The following LRIT1 variants were observed in gnomAD, a reference collection of about 807,000 sequenced individuals.
The protein encoded by LRIT1 is leucine-rich repeat, immunoglobulin-like domain and transmembrane domain-containing protein 1.
LRIT1 carries 23 observed loss-of-function variants against 24.0 expected under a neutral mutation model. That is an observed-to-expected ratio of 0.96 (90% CI 0.69 to 1.36). The LOEUF is 1.36. LRIT1 is among the 40% of genes most tolerant of loss of function. The pLI is 0.00. For synonymous variants in LRIT1, 361 were observed against 340.5 expected, an observed-to-expected ratio of 1.06 and a Z score of -0.66; for missense variants, 846 against 806.3, an observed-to-expected ratio of 1.05 and a Z score of -0.60.
rs957913511 is a variant in LRIT1, at chr10:84,237,395, C to A, written c.414G>T (p.Leu138=). The change falls in exon 2 of 4, where the codon CTG becomes CTT. Residue 138 remains leucine (L), a synonymous_variant. Coordinates refer to ENST00000372105, the MANE Select transcript of LRIT1 (RefSeq NM_015613.3). ...RDAPKLRLLD[L]QANRLSAVPA... is the part of the protein sequence containing the mutation. Reference sequence around the variant, plus strand: ...GCACAGCCGAGAGGCGGTTGGCCTGCAGGTCCAGCAGCCGCAGCTTGGGGG... The same window carrying A: ...GCACAGCCGAGAGGCGGTTGGCCTGAAGGTCCAGCAGCCGCAGCTTGGGGG... 1.3e-6 allele frequency: 2 copies of A among 1,547,544 alleles called. No individual in the cohort carries two copies. The highest frequency in any genetic ancestry group is 2.4e-5 in the East Asian group (1 of 40,914).
At chr10:84,235,358 A>G (rs1842639362) in intron 2 of LRIT1, among the ~76,000 whole-genome samples, 2 of 152,064 alleles carry the variant, frequency 1.3e-5, no homozygotes, top group Non-Finnish European at 2.9e-5. Context: ...GCCTTGTGTC[A>G]TTGGTTAAAC....
Position 84,237,229 on chromosome 10 carries a change from G to C in LRIT1, c.580C>G (p.Arg194Gly). Residue 194 changes from arginine to glycine, a missense_variant, in exon 2 of 4, where the codon CGG becomes GGG. Transcript: ENST00000372105. The part of the protein sequence containing the change: ...GIFPPGHHPR[R>G]VLGLQDNPWA... The stretch of plus-strand genomic sequence containing the variant: ...GGTTGCCGACCCTTACCTAGGACCC[G>C]CCTGGGGTGGTGGCCGGGAGGAAAG... 1 of 1,550,154 alleles carries C rather than the reference G, an allele frequency of 6.5e-7. No homozygotes were observed. Among genetic ancestry groups the C allele is most frequent in the Non-Finnish European group, 8.7e-7 (1 of 1,146,846 alleles).
chr10:84,237,526 G>C lies in LRIT1; in HGVS notation c.283C>G (p.Leu95Val). 2.5e-6 allele frequency: 4 copies of C among 1,604,680 alleles called. No individual in the cohort carries two copies. The highest frequency in any genetic ancestry group is 3.4e-6 in the Non-Finnish European group (4 of 1,179,126). Residue 95 changes from leucine (L) to valine (V), a missense_variant, in exon 2 of 4, where the codon CTC becomes GTC. Coordinates refer to ENST00000372105, the MANE Select transcript of LRIT1 (RefSeq NM_015613.3). ...AGCATGAGGGCGTTGAGCTCGCTGA[G>C]GGCGTTGTAAGGCAGCCACAGCTGC... ...LEQLWLPYNA[L>V]SELNALMLRG...
At chr10:84,234,930 T>C (rs1842635964) in intron 2 of LRIT1, among the ~76,000 whole-genome samples, 1 of 152,148 alleles carries the variant, frequency 6.6e-6, no homozygotes, top group Non-Finnish European at 1.5e-5. Flanking sequence ...TCCCCTACTG[T>C]CTTTACTCTA....
intron 1 of LRIT1, among the ~76,000 whole-genome samples, chr10:84,240,054 C>G (rs968423210): frequency 6.6e-6 from 1 of 152,256 alleles, no homozygotes; most frequent in African/African-American, 2.4e-5. Context: ...AACTCTGCTG[C>G]CTGGAACTTA....
rs759787591 is a variant in LRIT1 at position 84,232,737 on chromosome 10, G to A, written c.1062C>T (p.His354=). 3.7e-6 allele frequency: 6 copies of A among 1,613,970 alleles called. No individual in the cohort carries two copies. In the Admixed American group the frequency reaches 5.0e-5, roughly 13 times the overall value. Residue 354 remains histidine, a synonymous_variant, in exon 4 of 4, where the codon CAC becomes CAT. Coordinates refer to ENST00000372105, the MANE Select transcript of LRIT1 (RefSeq NM_015613.3). ...CCCATAGTGCTCCTGGGCTCCCACT[G>A]TGTTCTGTGGAAGTCGGTGGCTCAG... The part of the protein sequence containing the change: ...IVTEPPTSTE[H]SGSPGALWAR...
chr10:84,239,189 A>T (rs1670233853), intron 1 of LRIT1, among the ~76,000 whole-genome samples: 1 of 152,248 alleles, frequency 6.6e-6, no homozygotes, highest in South Asian at 2.1e-4. Flanking sequence ...GTGATGAGCA[A>T]TTCAGAAGAG....
chr10:84,241,383 G>A lies in LRIT1; in HGVS notation c.57C>T (p.Ala19=). 1 of 1,611,898 alleles carries A rather than the reference G, an allele frequency of 6.2e-7. No individual in the cohort carries two copies. Residue 19 remains alanine, a synonymous_variant, in exon 1 of 4, where the codon GCC becomes GCT. Coordinates refer to ENST00000372105, the MANE Select transcript of LRIT1 (RefSeq NM_015613.3). ...WLLALAWPPQ[A]RGFCPSQCSC... is the part of the protein sequence containing the mutation. Reference sequence around the variant, plus strand: ...TGCATTGAGAGGGGCAGAAGCCCCGGGCCTGGGGGGGCCACGCAAGGGCCA... The same window carrying A: ...TGCATTGAGAGGGGCAGAAGCCCCGAGCCTGGGGGGGCCACGCAAGGGCCA...
At chr10:84,233,925 G>T in intron 3 of LRIT1, 148 bp downstream of exon 3, 1 of 603,596 alleles carries the variant, frequency 1.7e-6, no homozygotes, top group Non-Finnish European at 2.6e-6. Context: ...CTCACCTCTG[G>T]GAAGCCCCTG....
chr10:84,237,122 C>A (rs1300568188), intron 2 of LRIT1, 98 bp downstream of exon 2: 6 of 1,017,026 alleles, frequency 5.9e-6, no homozygotes, highest in Non-Finnish European at 8.8e-6. Flanking sequence ...TTTGCTCAAA[C>A]CTGGAAGGAA....
At position 84,237,390 on chromosome 10, in the gene LRIT1, G is replaced by A. The variant is rs1842658304; in HGVS notation, c.419C>T (p.Ala140Val). Reference sequence around the variant, plus strand: ...AGCGGGCACAGCCGAGAGGCGGTTGGCCTGCAGGTCCAGCAGCCGCAGCTT... The same window carrying A: ...AGCGGGCACAGCCGAGAGGCGGTTGACCTGCAGGTCCAGCAGCCGCAGCTT... ...APKLRLLDLQANRLSAVPAEA... is the reference protein window; with the variant it reads ...APKLRLLDLQVNRLSAVPAEA... The change falls in exon 2 of 4, where the codon GCC becomes GTC. Residue 140 changes from alanine (A) to valine (V), a missense_variant. Transcript: ENST00000372105. 6.5e-7 allele frequency: 1 copy of A among 1,548,290 alleles called. No homozygotes were observed. The highest frequency in any genetic ancestry group is 8.7e-7 in the Non-Finnish European group (1 of 1,146,882).
At chr10:84,233,529 C>T (rs1842621684) in intron 3 of LRIT1, among the ~76,000 whole-genome samples, 1 of 152,126 alleles carries the variant, frequency 6.6e-6, no homozygotes, top group Non-Finnish European at 1.5e-5. Context: ...GGAACCCCAG[C>T]TCCTCCATGT....
chr10:84,240,798 C>T (rs1842685330), intron 1 of LRIT1, among the ~76,000 whole-genome samples: 1 of 151,984 alleles, frequency 6.6e-6, no homozygotes, highest in African/African-American at 2.4e-5. Context: ...TGGGATCTGG[C>T]CAGCGAAGAT....
chr10:84,237,131 A>T, intron 2 of LRIT1, 89 bp downstream of exon 2: 1 of 1,054,078 alleles, frequency 9.5e-7, no homozygotes, highest in Non-Finnish European at 1.4e-6. Context: ...ACCTGGAAGG[A>T]AGGTATGATT....
rs1317627137 is a variant in LRIT1, at chr10:84,237,247, G to A, written c.562C>T (p.Pro188Ser). Residue 188 changes from proline to serine, a missense_variant, in exon 2 of 4, where the codon CCC becomes TCC. By Grantham distance (74) the Pro-to-Ser change is moderately conservative. Coordinates refer to ENST00000372105, the MANE Select transcript of LRIT1 (RefSeq NM_015613.3). ...AGGACCCGCCTGGGGTGGTGGCCGG[G>A]AGGAAAGATACCGGTCTCCAGGTGA... The part of the protein sequence containing the change: ...WAHLETGIFP[P>S]GHHPRRVLGL... The A allele has an allele frequency of 6.4e-7, 1 of 1,550,648 alleles. No homozygotes were observed. The highest frequency in any genetic ancestry group is 1.2e-5 in the South Asian group (1 of 84,018).
intron 1 of LRIT1, among the ~76,000 whole-genome samples, chr10:84,239,520 A>T (rs530920147): frequency 2.0e-5 from 3 of 152,322 alleles, no homozygotes; most frequent in Admixed American, 2.0e-4. Flanking sequence ...GGTGATTGGA[A>T]AACTTATCTT....
At position 84,232,416 on chromosome 10, in the gene LRIT1, G is replaced by A. The variant is rs200524222; in HGVS notation, c.1383C>T (p.Val461=). ...PQAKNTTAFS[V]LYAVFGQHSM... Reference sequence around the variant, plus strand: ...TGTGCTGCCCAAAGACCGCGTAGAGGACACTGAAGGCAGTTGTGTTCTTAG... The same window carrying A: ...TGTGCTGCCCAAAGACCGCGTAGAGAACACTGAAGGCAGTTGTGTTCTTAG... The change falls in exon 4 of 4, where the codon GTC becomes GTT. Residue 461 remains valine, a synonymous_variant. Transcript: ENST00000372105. 36 of 1,614,028 alleles carry A rather than the reference G, an allele frequency of 2.2e-5. No homozygotes were observed. The highest frequency in any genetic ancestry group is 2.7e-5 in the Non-Finnish European group (32 of 1,180,046).
chr10:84,234,922 C>T (rs1009083328), intron 2 of LRIT1, among the ~76,000 whole-genome samples: 1 of 152,074 alleles, frequency 6.6e-6, no homozygotes, highest in South Asian at 2.1e-4. Flanking sequence ...AGGCTATATC[C>T]CCTACTGTCT....
At chr10:84,240,643 G>A (rs574575766) in intron 1 of LRIT1, among the ~76,000 whole-genome samples, 12 of 152,330 alleles carry the variant, frequency 7.9e-5, no homozygotes, top group African/African-American at 2.9e-4. Context: ...AGGAGAGGAG[G>A]AGAGAATGGA....
Sources: gnomAD v4.1 joint callset for allele counts (sites outside exome capture counted in the v4.1 genomes callset) on GRCh38, gnomAD v4.1.1 for gene constraint, MANE v1.5 for transcripts, NCBI Gene and HGNC (gene_info 2026-07-23, HGNC 2026-07-21) for gene names.